The following METAP1D variants were observed in gnomAD, a reference collection of about 807,000 sequenced individuals.
METAP1D encodes methionine aminopeptidase 1D, mitochondrial.
METAP1D carries 31 observed loss-of-function variants against 40.5 expected under a neutral mutation model. That is an observed-to-expected ratio of 0.77 (90% CI 0.58 to 1.03). The LOEUF is 1.03. Among genes scored for constraint, METAP1D ranks in the 50% least tolerant of loss-of-function variants. The pLI, the probability that METAP1D is intolerant of heterozygous loss-of-function variation, is 0.00. For missense variants in METAP1D, 411 were observed against 420.7 expected (o/e 0.98, Z 0.20); for synonymous variants, 151 against 146.4 (o/e 1.03, Z -0.22).
At chr2:172,025,696 A>G (rs1372219685) in intron 1 of METAP1D, among the ~76,000 whole-genome samples, 1 of 152,172 alleles carries the variant, frequency 6.6e-6, no homozygotes, top group East Asian at 1.9e-4. Context: ...AGATAGAAGC[A>G]TCACCCAACA....
At chr2:172,035,108 ATGAT>A (rs773452148) in intron 1 of METAP1D, among the ~76,000 whole-genome samples, 1 of 151,990 alleles carries the variant, frequency 6.6e-6, no homozygotes, top group Non-Finnish European at 1.5e-5. Context: ...AATTTAATGA[ATGAT>A]TATGAAGCAA....
At chr2:172,014,535 T>C (rs1688807742) in intron 1 of METAP1D, among the ~76,000 whole-genome samples, 1 of 152,216 alleles carries the variant, frequency 6.6e-6, no homozygotes, top group Admixed American at 6.5e-5. Flanking sequence ...GCTTCTGACA[T>C]GTTGGTTGTT....
At chr2:172,008,617 T>C (rs1688642441) in intron 1 of METAP1D, among the ~76,000 whole-genome samples, 1 of 152,216 alleles carries the variant, frequency 6.6e-6, no homozygotes, top group South Asian at 2.1e-4. Context: ...AGGCAGAGTA[T>C]GAAATTAACA....
rs1303741727 is a variant in METAP1D, at chr2:172,037,174, A to C, written c.41-24324A>C. ...CTGCTTGGGAGGCTGAGACAGGAGA[A>C]TCGCTTGAACCCGGGAGGCGGAGGT... is the stretch of plus-strand genomic sequence containing the variant. On this transcript the variant is annotated intron_variant, in intron 1 of 9. Coordinates refer to ENST00000315796, the MANE Select transcript of METAP1D (RefSeq NM_199227.3). Among the ~76,000 whole-genome samples the C allele has an allele frequency of 1.3e-5, 2 of 152,132 alleles. 1 individual carries two copies. Among genetic ancestry groups the C allele is most frequent in the Non-Finnish European group, 2.9e-5 (2 of 68,024 alleles).
At chr2:172,011,045 G>A (rs998009311) in intron 1 of METAP1D, among the ~76,000 whole-genome samples, 19 of 151,744 alleles carry the variant, frequency 1.3e-4, no homozygotes, top group African/African-American at 1.7e-4. Context: ...GTGAGCCACC[G>A]CGCCCAGCCT....
chr2:172,047,641 C>G (rs1380845005), intron 1 of METAP1D, among the ~76,000 whole-genome samples: 6 of 152,114 alleles, frequency 3.9e-5, no homozygotes, highest in African/African-American at 1.2e-4. Flanking sequence ...ACCATGTTGC[C>G]CCAGGCTGGC....
intron 5 of METAP1D, among the ~76,000 whole-genome samples, chr2:172,068,710 A>C (rs1457117231): frequency 6.6e-6 from 1 of 151,720 alleles, no homozygotes; most frequent in Non-Finnish European, 1.5e-5. Flanking sequence ...GGCTGGGTTT[A>C]CCATGTTGGC....
At chr2:172,024,660 A>G (rs1689083238) in intron 1 of METAP1D, among the ~76,000 whole-genome samples, 1 of 152,086 alleles carries the variant, frequency 6.6e-6, no homozygotes. Context: ...CCAAATCCCC[A>G]GGATTTGGCC....
intron 5 of METAP1D, 122 bp from the exon 6 acceptor site, chr2:172,070,784 CA>C (rs1690401335): frequency 1.4e-6 from 1 of 730,712 alleles, no homozygotes; most frequent in Admixed American, 3.2e-5. Flanking sequence ...TTTTGATAGG[CA>C]AATGAATAAT....
rs5836367 is a variant in METAP1D, at chr2:172,046,042, C to CT, written c.41-15451dup. On this transcript the variant is annotated intron_variant, in intron 1 of 9. Coordinates refer to ENST00000315796, the MANE Select transcript of METAP1D (RefSeq NM_199227.3). ...AAGTTTCAAAGATTGCCATGTAATG[C>CT]TTTTTATTTTTTTTAATTACACTTT... Among the ~76,000 whole-genome samples, 6,462 of 134,328 alleles carry CT rather than the reference C, an allele frequency of 0.048. 763 individuals carry two copies. In the East Asian group the frequency reaches 0.49, roughly 10 times the overall value. 88.1% of individuals were successfully genotyped at this position (134,328 alleles called of 152,430 possible).
chr2:172,011,138 T>A lies in METAP1D; in HGVS notation c.40+11129T>A, dbSNP rs185895378. ...TATTTAAGGTGTATAATTCAGTGAT[T>A]TTTTAGTATATTCAAAGAGTTGTGC... On this transcript the variant is annotated intron_variant, in intron 1 of 9. Coordinates refer to ENST00000315796, the MANE Select transcript of METAP1D (RefSeq NM_199227.3). 1.1e-4 allele frequency among the ~76,000 whole-genome samples: 17 copies of A among 152,158 alleles called. No individual in the cohort carries two copies. The East Asian group carries it at 2.7e-3, about 24-fold the overall frequency.
At chr2:172,078,637 C>T (rs1690611453) in intron 7 of METAP1D, among the ~76,000 whole-genome samples, 1 of 152,190 alleles carries the variant, frequency 6.6e-6, no homozygotes, top group South Asian at 2.1e-4. Flanking sequence ...GATCGCTGGA[C>T]ACCCAGCAGG....
rs201826659 is a variant in METAP1D, at chr2:172,045,731, GTATA to G, written c.41-15761_41-15758del. The stretch of plus-strand genomic sequence containing the variant: ...TGTGTGTGTGTGTGTGTGTGTGTGT[GTATA>G]TATATGTGTATATATGTATATATGT... On this transcript the variant is annotated intron_variant, in intron 1 of 9. Coordinates refer to ENST00000315796, the MANE Select transcript of METAP1D (RefSeq NM_199227.3). Among the ~76,000 whole-genome samples the G allele has an allele frequency of 2.9e-3, 160 of 54,846 alleles. 1 individual carries two copies. The highest frequency in any genetic ancestry group is 7.3e-3 in the African/African-American group (129 of 17,652). 36.0% of individuals were successfully genotyped at this position (54,846 alleles called of 152,430 possible). A position where few individuals can be genotyped will look rare whatever the true frequency, so the allele number is the denominator to read the frequency against.
At chr2:172,003,419 A>G (rs1356930322) in intron 1 of METAP1D, among the ~76,000 whole-genome samples, 1 of 152,208 alleles carries the variant, frequency 6.6e-6, no homozygotes, top group East Asian at 1.9e-4. Flanking sequence ...GAACAAGGAA[A>G]TCTCAGCTTG....
chr2:172,010,049 C>T (rs748098761), intron 1 of METAP1D, among the ~76,000 whole-genome samples: 8 of 151,542 alleles, frequency 5.3e-5, no homozygotes, highest in African/African-American at 9.7e-5. Context: ...GTGATGATGG[C>T]GGCTTGGAGC....
At chr2:172,077,757 T>G (rs1690581877) in intron 6 of METAP1D, 40 bp from the exon 7 acceptor site, 2 of 1,051,758 alleles carry the variant, frequency 1.9e-6, no homozygotes, top group South Asian at 3.2e-5. Context: ...CCTGAAAAAC[T>G]TATCTAATTT....
intron 1 of METAP1D, among the ~76,000 whole-genome samples, chr2:172,012,221 A>C (rs968626930): frequency 2.6e-5 from 4 of 151,460 alleles, no homozygotes; most frequent in Non-Finnish European, 5.9e-5. Flanking sequence ...CTGAATACCA[A>C]CCTCTTTAAG....
At chr2:172,016,427 G>C (rs2105388188) in intron 1 of METAP1D, among the ~76,000 whole-genome samples, 1 of 148,462 alleles carries the variant, frequency 6.7e-6, no homozygotes, top group Admixed American at 6.8e-5. Flanking sequence ...AGACCAGCCT[G>C]GGCAACATGG....
chr2:172,080,387 A>C lies in METAP1D; in HGVS notation c.989A>C (p.Lys330Thr), dbSNP rs1385759597. The C allele has an allele frequency of 1.2e-6, 2 of 1,614,014 alleles. No homozygotes were observed. The highest frequency in any genetic ancestry group is 4.5e-5 in the East Asian group (2 of 44,888). ...ITSRGAQILT[K>T]LPHEA is the part of the protein sequence containing the mutation. ...TCGAGGGGCGCGCAGATCCTGACCAAACTACCCCATGAGGCCTGAGGAGCC... is the reference window on the plus strand; with the variant it reads ...TCGAGGGGCGCGCAGATCCTGACCACACTACCCCATGAGGCCTGAGGAGCC... The change falls in exon 10 of 10, where the codon AAA becomes ACA. Residue 330 changes from lysine to threonine, a missense_variant. Lys to Thr is a moderately conservative substitution (Grantham distance 78). Coordinates refer to ENST00000315796, the MANE Select transcript of METAP1D (RefSeq NM_199227.3).
Sources: allele counts gnomAD v4.1 joint callset (sites outside exome capture counted in the v4.1 genomes callset), GRCh38; gene constraint gnomAD v4.1.1; transcripts MANE v1.5; gene names NCBI Gene and HGNC (gene_info 2026-07-23, HGNC 2026-07-21).